The following KAZN variants were observed in gnomAD, a reference collection of about 807,000 sequenced individuals.
The protein encoded by KAZN is kazrin, periplakin interacting protein, also known as kazrin.
Under a neutral mutation model 87.4 loss-of-function variants are expected in KAZN, and 40 were observed. The ratio of observed to expected loss-of-function variants is 0.46; its 90% CI spans 0.36 to 0.60. KAZN has a LOEUF of 0.60. KAZN is among the 20% of genes least tolerant of loss of function. The pLI is 0.00. For synonymous variants in KAZN, 466 were observed against 458.3 expected (o/e 1.02, Z -0.22); for missense variants, 898 against 1,073.9 (o/e 0.84, Z 2.29).
intron 2 of KAZN, among the ~76,000 whole-genome samples, chr1:14,238,462 G>A (rs553330715): frequency 2.6e-5 from 4 of 152,302 alleles, no homozygotes; most frequent in African/African-American, 7.2e-5. Context: ...GTTAACAGGA[G>A]TCATTTGGGA....
At chr1:14,084,086 T>C (rs192718733) in intron 1 of KAZN, among the ~76,000 whole-genome samples, 2 of 152,132 alleles carry the variant, frequency 1.3e-5, no homozygotes, top group East Asian at 1.9e-4. Context: ...CAGAGACCCA[T>C]GAGAAGGCTA....
At chr1:15,101,499 G>C in intron 10 of KAZN, 44 bp from the exon 11 acceptor site, 1 of 1,381,104 alleles carries the variant, frequency 7.2e-7, no homozygotes, top group Non-Finnish European at 1.0e-6. Context: ...TGTTTCTGCC[G>C]CCTTTCCCCA....
intron 1 of KAZN, among the ~76,000 whole-genome samples, chr1:14,865,215 C>T (rs1366432759): frequency 6.6e-6 from 1 of 152,088 alleles, no homozygotes; most frequent in Non-Finnish European, 1.5e-5. Context: ...TCTGGAGGCA[C>T]CAAGAGGAAG....
chr1:14,884,116 G>T (rs768330541), intron 1 of KAZN, among the ~76,000 whole-genome samples: 4 of 152,084 alleles, frequency 2.6e-5, no homozygotes, highest in Admixed American at 6.6e-5. Flanking sequence ...AGTTCAGGCC[G>T]GGCGCGGGGG....
intron 2 of KAZN, among the ~76,000 whole-genome samples, chr1:15,005,901 C>T (rs1361498845): frequency 6.6e-6 from 1 of 152,196 alleles, no homozygotes; most frequent in Admixed American, 6.5e-5. Context: ...GACATCTCAG[C>T]GGGCCGCAGT....
chr1:13,974,356 C>T (rs1642237253), intron 1 of KAZN, among the ~76,000 whole-genome samples: 1 of 151,576 alleles, frequency 6.6e-6, no homozygotes, highest in Non-Finnish European at 1.5e-5. Flanking sequence ...TGGCAGATAC[C>T]AGCTGTAGTG....
intron 1 of KAZN, among the ~76,000 whole-genome samples, chr1:13,908,044 C>T (rs1049597473): frequency 2.0e-5 from 3 of 152,212 alleles, no homozygotes; most frequent in Non-Finnish European, 2.9e-5. Context: ...GCAAAGAGAA[C>T]ATTTGCTGTC....
chr1:14,244,056 C>T (rs967711031), intron 2 of KAZN, among the ~76,000 whole-genome samples: 13 of 152,300 alleles, frequency 8.5e-5, no homozygotes, highest in Admixed American at 7.2e-4. Flanking sequence ...ATAGAAACAA[C>T]AATTAAACAG....
intron 2 of KAZN, among the ~76,000 whole-genome samples, chr1:15,004,266 C>A (rs901425155): frequency 6.6e-6 from 1 of 152,170 alleles, no homozygotes; most frequent in African/African-American, 2.4e-5. Context: ...TGGCAGTGTT[C>A]TTCCTTCCTA....
rs577012405 is a variant in KAZN, at chr1:14,184,252, C to T, written c.249+3660C>T. On this transcript the variant is annotated intron_variant, in intron 2 of 16. Transcript: ENST00000636203. The surrounding 1 kb of genome is among the most constrained non-coding windows in gnomAD (Gnocchi z 4.2). ...TCCCTCTGCCCTTTTTCTCCCCACCCGACCCAGCATCTCTCCTCCTCCCCT... is the reference window on the plus strand; with the variant it reads ...TCCCTCTGCCCTTTTTCTCCCCACCTGACCCAGCATCTCTCCTCCTCCCCT... 7.9e-5 allele frequency among the ~76,000 whole-genome samples: 12 copies of T among 152,034 alleles called. No homozygotes were observed. In the South Asian group the frequency reaches 2.1e-3, roughly 26 times the overall value.
At chr1:14,461,094 GC>G (rs1667826959) in intron 2 of KAZN, among the ~76,000 whole-genome samples, 1 of 152,150 alleles carries the variant, frequency 6.6e-6, no homozygotes, top group Non-Finnish European at 1.5e-5. Context: ...ATTTGTCACT[GC>G]TTTTTAAACC....
At chr1:14,898,259 C>T (rs1655477038) in intron 1 of KAZN, among the ~76,000 whole-genome samples, 1 of 152,098 alleles carries the variant, frequency 6.6e-6, no homozygotes, top group Non-Finnish European at 1.5e-5. Flanking sequence ...AAAGACATAC[C>T]ATAATAAGTG....
At chr1:14,402,370 C>T (rs891180864) in intron 2 of KAZN, among the ~76,000 whole-genome samples, 8 of 151,978 alleles carry the variant, frequency 5.3e-5, no homozygotes, top group Admixed American at 1.3e-4. Flanking sequence ...GTATTTTCTA[C>T]CTTATTTAAT....
intron 2 of KAZN, among the ~76,000 whole-genome samples, chr1:14,965,144 G>A (rs1664311197): frequency 6.6e-6 from 1 of 151,836 alleles, no homozygotes; most frequent in African/African-American, 2.4e-5. Flanking sequence ...TGAGCCTCCA[G>A]AGAAGCTGGA....
intron 2 of KAZN, among the ~76,000 whole-genome samples, chr1:14,507,977 A>AT (rs1242386197): frequency 2.1e-5 from 2 of 95,542 alleles, no homozygotes; most frequent in African/African-American, 4.5e-5. Flanking sequence ...CAAAAAATAA[A>AT]TAAAAAAAAA....
rs146547160 is a variant in KAZN, at chr1:14,976,142, G to A, written c.418+15267G>A. ...CTGCGAGCCTGTTGCTGTTGGTTTTGGACGTGGCTAACAGTTTTTTATTTT... is the reference window on the plus strand; with the variant it reads ...CTGCGAGCCTGTTGCTGTTGGTTTTAGACGTGGCTAACAGTTTTTTATTTT... On this transcript the variant is annotated intron_variant, in intron 2 of 14. Transcript: ENST00000376030. Among the ~76,000 whole-genome samples, 897 of 151,916 alleles carry A rather than the reference G, an allele frequency of 5.9e-3. 7 individuals are homozygous for A. Among genetic ancestry groups the A allele is most frequent in the South Asian group, 0.03 (146 of 4,816 alleles).
chr1:15,042,348 A>G (rs1673007631), intron 3 of KAZN, among the ~76,000 whole-genome samples: 1 of 152,212 alleles, frequency 6.6e-6, no homozygotes, highest in Non-Finnish European at 1.5e-5. Context: ...GTACCAGACA[A>G]ATATCCACAA....
intron 2 of KAZN, among the ~76,000 whole-genome samples, chr1:15,031,815 C>T (rs1293798188): frequency 1.3e-5 from 2 of 152,060 alleles, no homozygotes; most frequent in Non-Finnish European, 1.5e-5. Context: ...CTCACCATGT[C>T]GTCCAGGCTA....
intron 2 of KAZN, among the ~76,000 whole-genome samples, chr1:14,284,197 T>C (rs914165942): frequency 6.6e-6 from 1 of 152,194 alleles, no homozygotes; most frequent in African/African-American, 2.4e-5. Context: ...AAGAATGTTC[T>C]AGCATAATTG....
Sources: gnomAD v4.1 joint callset for allele counts (sites outside exome capture counted in the v4.1 genomes callset) on GRCh38, gnomAD v4.1.1 for gene constraint, Gnocchi (gnomAD v3.1) non-coding constraint, MANE v1.5 for transcripts, NCBI Gene and HGNC (gene_info 2026-07-23, HGNC 2026-07-21) for gene names.